The following NCOA6 variants were observed in gnomAD, a reference collection of about 807,000 sequenced individuals.
The protein encoded by NCOA6 is nuclear receptor coactivator 6, also known as NRC RAP250.
NCOA6 carries 49 observed loss-of-function variants against 171.4 expected under a neutral mutation model. That is an observed-to-expected ratio of 0.29 (90% CI 0.23 to 0.36). The LOEUF (loss-of-function observed/expected upper bound fraction) is 0.36. NCOA6 is among the 10% of genes least tolerant of loss of function. The pLI is 1.00. For missense variants in NCOA6, 2,248 were observed against 2,554.5 expected (o/e 0.88, Z 2.59); for synonymous variants, 910 against 927.5 (o/e 0.98, Z 0.34).
intron 1 of NCOA6, among the ~76,000 whole-genome samples, chr20:34,804,506 C>CAAA (rs11482821): frequency 2.6e-5 from 3 of 113,804 alleles, no homozygotes; most frequent in Admixed American, 1.0e-4. Context: ...GACCCTGTCT[C>CAAA]AAAAAAAAAA....
chr20:34,716,317 A>G (rs115270886), intron 14 of NCOA6, among the ~76,000 whole-genome samples: 2,075 of 152,188 alleles, frequency 0.014, 43 homozygotes, highest in African/African-American at 0.048. Flanking sequence ...TGAAGGCTTC[A>G]TGGAGGAGGT....
Position 34,730,327 on chromosome 20 carries a change from T to G in NCOA6, c.5999+2232A>C, listed in dbSNP as rs552357496. On this transcript the variant is annotated intron_variant, in intron 13 of 14. Transcript: ENST00000359003. ...CTGGGCAACTCCTAAGCTCAAGCAA[T>G]CCTCCCTCCTTGGTCTCCCAAAATG... 5.9e-4 allele frequency among the ~76,000 whole-genome samples: 90 copies of G among 152,076 alleles called. 2 individuals carry two copies. Among genetic ancestry groups the G allele is most frequent in the Admixed American group, 5.6e-3 (85 of 15,254 alleles).
chr20:34,817,540 A>G (rs2146722108), intron 1 of NCOA6, among the ~76,000 whole-genome samples: 1 of 151,928 alleles, frequency 6.6e-6, no homozygotes, highest in Non-Finnish European at 1.5e-5. Flanking sequence ...TCATTTGTGT[A>G]TACATCTAAA....
Position 34,792,537 on chromosome 20 carries a change from T to C in NCOA6, c.-137A>G, listed in dbSNP as rs968844575. The C allele has an allele frequency of 5.0e-6, 2 of 398,492 alleles. No homozygotes were observed. Among genetic ancestry groups the C allele is most frequent in the Non-Finnish European group, 8.9e-6 (2 of 225,950 alleles). The allele number at this position is 398,492 out of a possible 1,614,324, so 24.7% of individuals were successfully genotyped here. The stretch of plus-strand genomic sequence containing the variant: ...CATTTTTAGGGCTTGGATTTCAAGG[T>C]AGCAGCCCAGCAGCCAAATCAAAAT... On this transcript the variant is annotated 5_prime_UTR_variant, in exon 2 of 15. Transcript: ENST00000359003.
Position 34,749,764 on chromosome 20 carries a change from C to T in NCOA6, c.2431G>A (p.Asp811Asn), listed in dbSNP as rs755330543. ...GGCATCATCTGAGATAAACTGACATCGTTATTTGCTGTAGTAGCAGGATCA... is the reference window on the plus strand; with the variant it reads ...GGCATCATCTGAGATAAACTGACATTGTTATTTGCTGTAGTAGCAGGATCA... Reference protein sequence around the residue: ...HGDPATTANNDVSLSQMMPDV... With the variant: ...HGDPATTANNNVSLSQMMPDV... The change falls in exon 9 of 15, where the codon GAT (aspartate) becomes AAT (asparagine). Residue 811 changes from aspartate to asparagine, a missense_variant. Physicochemically the swap from Asp to Asn is conservative, Grantham distance 23. Coordinates refer to ENST00000359003, the MANE Select transcript of NCOA6 (RefSeq NM_014071.5). 4.3e-6 allele frequency: 7 copies of T among 1,614,200 alleles called. No individual in the cohort carries two copies. The highest frequency in any genetic ancestry group is 2.7e-5 in the African/African-American group (2 of 75,050).
In NCOA6 at chr20:34,731,240, G is replaced by A. The variant is rs568435425; in HGVS notation, c.5999+1319C>T. 5.3e-5 allele frequency among the ~76,000 whole-genome samples: 8 copies of A among 151,404 alleles called. No individual in the cohort carries two copies. In the South Asian group the frequency reaches 1.5e-3, roughly 28 times the overall value. On this transcript the variant is annotated intron_variant, in intron 13 of 14. Transcript: ENST00000359003. ...TTACCATTTTGGCCAGGGTGGTATC[G>A]AACTCCTGACCTCAAATGATCTGCC...
chr20:34,779,316 C>T, intron 3 of NCOA6, among the ~76,000 whole-genome samples: 1 of 151,914 alleles, frequency 6.6e-6, no homozygotes, highest in African/African-American at 2.4e-5. Flanking sequence ...TTTGAGATCA[C>T]CCTGGGCAAC....
intron 13 of NCOA6, among the ~76,000 whole-genome samples, chr20:34,730,822 C>T (rs1231687250): frequency 6.7e-6 from 1 of 150,360 alleles, no homozygotes; most frequent in Non-Finnish European, 1.5e-5. Flanking sequence ...TCAGGTGATC[C>T]TCCCACCTCA....
intron 13 of NCOA6, among the ~76,000 whole-genome samples, chr20:34,730,259 T>C (rs1475101458): frequency 6.6e-6 from 1 of 151,716 alleles, no homozygotes; most frequent in Admixed American, 6.6e-5. Flanking sequence ...TTTTATTTTT[T>C]ATTTTTTTTT....
chr20:34,720,041 T>G (rs1353765833), intron 14 of NCOA6, among the ~76,000 whole-genome samples: 1 of 152,248 alleles, frequency 6.6e-6, no homozygotes, highest in Admixed American at 6.5e-5. Flanking sequence ...TAATTACAGA[T>G]TGCTCTGAAC....
chr20:34,785,928 G>A (rs956736167), intron 2 of NCOA6, among the ~76,000 whole-genome samples: 4 of 149,940 alleles, frequency 2.7e-5, no homozygotes, highest in Non-Finnish European at 4.4e-5. Context: ...ATGAAAAATT[G>A]CTGGCTTTCC....
At chr20:34,718,923 T>C (rs543912137) in intron 14 of NCOA6, among the ~76,000 whole-genome samples, 32 of 152,360 alleles carry the variant, frequency 2.1e-4, no homozygotes, top group African/African-American at 7.2e-4. Flanking sequence ...GGCCTGACTG[T>C]GAACCTACCT....
intron 13 of NCOA6, among the ~76,000 whole-genome samples, chr20:34,730,372 C>G (rs1990471516): frequency 6.6e-6 from 1 of 152,088 alleles, no homozygotes; most frequent in Non-Finnish European, 1.5e-5. Flanking sequence ...CAGGCATGAG[C>G]CACTGTACCT....
At chr20:34,767,304 T>G (rs551973403) in intron 5 of NCOA6, among the ~76,000 whole-genome samples, 50 of 152,236 alleles carry the variant, frequency 3.3e-4, no homozygotes, top group Admixed American at 2.7e-3. Flanking sequence ...GCATTTTTTT[T>G]GTTTTGTTTT....
intron 8 of NCOA6, among the ~76,000 whole-genome samples, chr20:34,752,118 A>C (rs887681376): frequency 3.3e-5 from 5 of 152,184 alleles, no homozygotes; most frequent in Admixed American, 1.3e-4. Flanking sequence ...TTGGCCTCCC[A>C]AAGTGCTGGG....
Position 34,750,423 on chromosome 20 carries a change from A to G in NCOA6, c.1772T>C (p.Met591Thr). Reference protein sequence around the residue: ...QPSLMGIHGNMNNQQAGTSGV... With the variant: ...QPSLMGIHGNTNNQQAGTSGV... ...AGAAGTACCAGCCTGCTGATTGTTC[A>G]TGTTGCCATGAATTCCCATGAGGCT... Residue 591 changes from methionine to threonine, a missense_variant, in exon 9 of 15, where the codon ATG (methionine) becomes ACG (threonine). This residue lies in a region of NCOA6 where 987 missense variants were observed against 1,104.7 expected (regional missense o/e 0.89). Transcript: ENST00000359003. The G allele has an allele frequency of 6.2e-7, 1 of 1,613,832 alleles. No homozygotes were observed. Among genetic ancestry groups the G allele is most frequent in the East Asian group, 2.2e-5 (1 of 44,856 alleles).
At position 34,758,946 on chromosome 20, in the gene NCOA6, T is replaced by A. The variant is rs376513342; in HGVS notation, c.515-13A>T. On this transcript the variant is annotated splice_polypyrimidine_tract_variant and intron_variant, in intron 5 of 14. Transcript: ENST00000359003. Reference sequence around the variant, plus strand: ...ATCCTTATTATTCCTAGAAAAAAGATCCCTAAAATAGAGTACTGGAATTGG... The same window carrying A: ...ATCCTTATTATTCCTAGAAAAAAGAACCCTAAAATAGAGTACTGGAATTGG... 7 of 1,612,780 alleles carry A rather than the reference T, an allele frequency of 4.3e-6. No individual in the cohort carries two copies. The African/African-American group carries it at 5.3e-5, about 12-fold the overall frequency.
rs1329273221 is a variant in NCOA6, at chr20:34,757,594, T to C, written c.1154A>G (p.Gln385Arg). ...PYPFGSQQAS[Q>R]AHTNFPQMSN... Reference sequence around the variant, plus strand: ...CATCTGAGGAAAGTTTGTGTGGGCTTGTGAGGCTTGCTGGCTGCCAAAGGG... The same window carrying C: ...CATCTGAGGAAAGTTTGTGTGGGCTCGTGAGGCTTGCTGGCTGCCAAAGGG... Residue 385 changes from glutamine (Q) to arginine (R), a missense_variant, in exon 7 of 15, where the codon CAA (glutamine) becomes CGA (arginine). Gln to Arg is a conservative substitution (Grantham distance 43). Transcript: ENST00000359003. 2.5e-6 allele frequency: 4 copies of C among 1,613,800 alleles called. No individual in the cohort carries two copies. The highest frequency in any genetic ancestry group is 2.2e-5 in the East Asian group (1 of 44,862).
At chr20:34,790,468 C>T (rs1209861012) in intron 2 of NCOA6, among the ~76,000 whole-genome samples, 1 of 152,070 alleles carries the variant, frequency 6.6e-6, no homozygotes, top group East Asian at 1.9e-4. Context: ...CATTCTCCTG[C>T]CTCAACCTCC....
Sources: gnomAD v4.1 joint callset for allele counts (sites outside exome capture counted in the v4.1 genomes callset) on GRCh38, gnomAD v4.1.1 for gene constraint, gnomAD v4.1.1 regional missense constraint, MANE v1.5 for transcripts, NCBI Gene and HGNC (gene_info 2026-07-23, HGNC 2026-07-21) for gene names.